The following TMEM209 variants were observed in gnomAD, a reference collection of about 807,000 sequenced individuals.
The protein encoded by TMEM209 is transmembrane protein 209.
TMEM209 carries 65 observed loss-of-function variants against 76.2 expected under a neutral mutation model. The observed-to-expected ratio is 0.85, with a 90% CI of 0.70 to 1.05. The LOEUF (loss-of-function observed/expected upper bound fraction) is 1.05, where lower values mean the gene tolerates loss of function less well. Among genes scored for constraint, TMEM209 ranks in the 50% least tolerant of loss-of-function variants. The pLI is 0.00. For synonymous variants in TMEM209, 239 were observed against 237.6 expected, an observed-to-expected ratio of 1.01 and a Z score of -0.06; for missense variants, 623 against 685.5, an observed-to-expected ratio of 0.91 and a Z score of 1.02.
At chr7:130,194,605 C>T (rs1463186196) in intron 5 of TMEM209, among the ~76,000 whole-genome samples, 1 of 152,102 alleles carries the variant, frequency 6.6e-6, no homozygotes, top group African/African-American at 2.4e-5. Flanking sequence ...GATAGCTGTA[C>T]ATAAATCTTT....
At chr7:130,202,907 A>G (rs935347163) in intron 3 of TMEM209, among the ~76,000 whole-genome samples, 1 of 151,562 alleles carries the variant, frequency 6.6e-6, no homozygotes, top group Admixed American at 6.6e-5. Context: ...TGGCCAACAT[A>G]GTGAAACCCC....
chr7:130,175,639 C>T, intron 10 of TMEM209, 30 bp from the exon 11 acceptor site: 1 of 1,534,848 alleles, frequency 6.5e-7, no homozygotes, highest in Non-Finnish European at 8.8e-7. Context: ...TTTTTAAAAG[C>T]TAAGAGTATG....
intron 6 of TMEM209, 145 bp downstream of exon 6, chr7:130,192,477 G>T: frequency 4.4e-6 from 3 of 677,580 alleles, no homozygotes; most frequent in South Asian, 2.2e-5. Flanking sequence ...AATTCTAACT[G>T]CATAAAATAA....
intron 6 of TMEM209, among the ~76,000 whole-genome samples, chr7:130,189,570 G>A (rs1482589566): frequency 2.0e-5 from 3 of 152,186 alleles, no homozygotes; most frequent in South Asian, 4.1e-4. Flanking sequence ...GAAGTGGAAT[G>A]ATGCCCGCAA....
intron 10 of TMEM209, among the ~76,000 whole-genome samples, chr7:130,175,864 G>A (rs756318967): frequency 3.3e-5 from 5 of 152,046 alleles, no homozygotes; most frequent in Non-Finnish European, 5.9e-5. Flanking sequence ...GATGGGTAGG[G>A]AAAATTTGAA....
chr7:130,193,232 T>C (rs1213726292), intron 5 of TMEM209, among the ~76,000 whole-genome samples: 1 of 152,080 alleles, frequency 6.6e-6, no homozygotes, highest in Non-Finnish European at 1.5e-5. Context: ...AATTAGGTAA[T>C]GGAGTATTAG....
intron 7 of TMEM209, among the ~76,000 whole-genome samples, chr7:130,184,546 A>G (rs1236234166): frequency 6.7e-6 from 1 of 148,212 alleles, no homozygotes; most frequent in Non-Finnish European, 1.5e-5. Context: ...AGGCTGGAAC[A>G]CAGTGACGCA....
chr7:130,201,780 CATT>C (rs759246266), intron 5 of TMEM209, 67 bp downstream of exon 5: 98 of 1,577,440 alleles, frequency 6.2e-5, no homozygotes, highest in Non-Finnish European at 8.4e-5. Flanking sequence ...AGTTTTGACT[CATT>C]AGATGATTTT....
At chr7:130,180,658 C>A (rs537427207) in intron 9 of TMEM209, among the ~76,000 whole-genome samples, 73 of 152,214 alleles carry the variant, frequency 4.8e-4, no homozygotes, top group African/African-American at 1.7e-3. Flanking sequence ...CGTGAGCCAC[C>A]GCGCCCGGCC....
intron 9 of TMEM209, 25 bp from the exon 10 acceptor site, chr7:130,178,552 A>G (rs1797315459): frequency 5.0e-6 from 8 of 1,610,966 alleles, no homozygotes; most frequent in Non-Finnish European, 5.9e-6. Flanking sequence ...CACAGAGAAC[A>G]CTGATTATTC....
intron 8 of TMEM209, among the ~76,000 whole-genome samples, 154 bp downstream of exon 8, chr7:130,184,030 G>GT (rs1378886247): frequency 2.6e-5 from 4 of 152,058 alleles, no homozygotes; most frequent in Non-Finnish European, 5.9e-5. Flanking sequence ...ATACCATATA[G>GT]TAACAGTCAT....
intron 5 of TMEM209, 86 bp downstream of exon 5, chr7:130,201,764 C>T: frequency 6.5e-7 from 1 of 1,527,122 alleles, no homozygotes; most frequent in Admixed American, 2.0e-5. Flanking sequence ...AGTTTGCTCA[C>T]TGATAAGTTT....
intron 13 of TMEM209, 25 bp from the exon 14 acceptor site, chr7:130,170,498 G>A: frequency 1.9e-6 from 3 of 1,580,356 alleles, no homozygotes; most frequent in Non-Finnish European, 2.6e-6. Context: ...AAAAAGACAA[G>A]ATTTAAACCA....
At chr7:130,188,412 T>A (rs561873970) in intron 6 of TMEM209, among the ~76,000 whole-genome samples, 5 of 151,662 alleles carry the variant, frequency 3.3e-5, no homozygotes, top group Non-Finnish European at 5.9e-5. Flanking sequence ...CTGGCTAACA[T>A]GGTGAAACCC....
At chr7:130,192,877 G>C (rs1797847445) in intron 5 of TMEM209, 54 bp from the exon 6 acceptor site, 8 of 1,558,248 alleles carry the variant, frequency 5.1e-6, no homozygotes, top group Non-Finnish European at 6.1e-6. Flanking sequence ...AATTCATTTT[G>C]TTTTGGTTTT....
At chr7:130,171,143 T>C (rs1159950491) in intron 13 of TMEM209, among the ~76,000 whole-genome samples, 1 of 152,174 alleles carries the variant, frequency 6.6e-6, no homozygotes, top group Non-Finnish European at 1.5e-5. Context: ...CTGAGGTTGG[T>C]GCCCCTGTAC....
chr7:130,178,839 A>G (rs1258528803), intron 9 of TMEM209, among the ~76,000 whole-genome samples: 6 of 152,068 alleles, frequency 3.9e-5, no homozygotes, highest in Admixed American at 3.9e-4. Context: ...ATAGCGGCAC[A>G]ATCACCACTC....
rs934835220 is a variant in TMEM209 at position 130,165,606 on chromosome 7, A to T, written c.*845T>A. The T allele has an allele frequency of 6.6e-6, 1 of 152,036 alleles. No individual in the cohort carries two copies. The highest frequency in any genetic ancestry group is 1.5e-5 in the Non-Finnish European group (1 of 68,014). The allele number at this position is 152,036 out of a possible 1,614,324, so 9.4% of individuals were successfully genotyped here. A position where few individuals can be genotyped will look rare whatever the true frequency, so the allele number is the denominator to read the frequency against. On this transcript the variant is annotated 3_prime_UTR_variant, in exon 15 of 15. Transcript: ENST00000397622. ...TTCAAACCTCCTTTAATAATATTTT[A>T]AAATATACATAAACTTAATACATTA...
rs1403053613 is a variant in TMEM209 at position 130,173,705 on chromosome 7, C to CA, written c.1483dup (p.Cys495LeufsTer13). ...AGGGTTGATAGCACTCTGATAAATG[C>CA]AAAAAACATTCTCATTTGTAACATC... On this transcript the variant is annotated frameshift_variant, in exon 13 of 15. Transcript: ENST00000397622. LOFTEE classifies it high-confidence loss of function. The CA allele has an allele frequency of 6.2e-7, 1 of 1,613,510 alleles. No homozygotes were observed. The highest frequency in any genetic ancestry group is 8.5e-7 in the Non-Finnish European group (1 of 1,179,732).
Sources: gnomAD v4.1 joint callset for allele counts (sites outside exome capture counted in the v4.1 genomes callset) on GRCh38, gnomAD v4.1.1 for gene constraint, MANE v1.5 for transcripts, NCBI Gene and HGNC (gene_info 2026-07-23, HGNC 2026-07-21) for gene names.